The following HNRNPA1L2 variants were observed in gnomAD, a reference collection of about 807,000 sequenced individuals.
HNRNPA1L2 encodes heterogeneous nuclear ribonucleoprotein A1-like 2.
In HNRNPA1L2, 10 loss-of-function variants were observed where a neutral mutation model predicts 18.2. The ratio of observed to expected loss-of-function variants is 0.55; its 90% CI spans 0.34 to 0.93. HNRNPA1L2 has a LOEUF of 0.93. Ranked by LOEUF, HNRNPA1L2 falls within the 40% of genes least tolerant of loss-of-function variation. The pLI is 0.02. For synonymous variants in HNRNPA1L2, 124 were observed against 138.6 expected, an observed-to-expected ratio of 0.89 and a Z score of 0.74; for missense variants, 308 against 394.4, an observed-to-expected ratio of 0.78 and a Z score of 1.85.
At chr13:52,640,285 C>T (rs1053683403), upstream of HNRNPA1L2, among the ~76,000 whole-genome samples, 16 of 152,138 alleles carry the variant, frequency 1.1e-4, no homozygotes, top group Admixed American at 9.8e-4. Flanking sequence ...CACCCCATAC[C>T]TACTGAATTT....
chr13:52,624,955 C>T, the HNRNPA1L2 span, among the ~76,000 whole-genome samples: 3 of 151,714 alleles, frequency 2.0e-5, no homozygotes, highest in East Asian at 1.9e-4. Context: ...CCCTTGAACC[C>T]GGGAGGTGGA....
At position 52,642,939 on chromosome 13, in the gene HNRNPA1L2, C is replaced by T. The variant is rs1219016906; in HGVS notation, c.447C>T (p.Ala149=). The T allele has an allele frequency of 6.3e-7, 1 of 1,596,976 alleles. No homozygotes were observed. Among genetic ancestry groups the T allele is most frequent in the Non-Finnish European group, 8.5e-7 (1 of 1,179,810 alleles). ...DRGSGKKRGF[A]FVTFDDHDSV... ...GCAGTGGCAAGAAAAGGGGCTTTGC[C>T]TTTGTAACCTTTGACGACCATGACT... Residue 149 remains alanine (A), a synonymous_variant, in exon 1 of 1, where the codon GCC becomes GCT. Coordinates refer to ENST00000357495, the MANE Select transcript of HNRNPA1L2 (RefSeq NM_001389320.1).
At chr13:52,638,695 T>C (rs1961543204), upstream of HNRNPA1L2, among the ~76,000 whole-genome samples, 1 of 152,186 alleles carries the variant, frequency 6.6e-6, no homozygotes, top group African/African-American at 2.4e-5. Flanking sequence ...TTGGGAAGAT[T>C]TCATTCTAAG....
the HNRNPA1L2 span, among the ~76,000 whole-genome samples, chr13:52,624,116 T>C: frequency 3.3e-5 from 5 of 152,138 alleles, no homozygotes; most frequent in African/African-American, 4.8e-5. Context: ...TATTTTGTTT[T>C]GTTTTGTTTT....
the HNRNPA1L2 span, among the ~76,000 whole-genome samples, chr13:52,618,759 A>G: frequency 1.9e-3 from 284 of 152,334 alleles, 1 homozygote; most frequent in African/African-American, 6.6e-3. Context: ...GGGACGTCTT[A>G]AATGTCGTTT....
upstream of HNRNPA1L2, chr13:52,640,730 T>G (rs1961630847): frequency 6.6e-6 from 1 of 152,210 alleles, no homozygotes; most frequent in Non-Finnish European, 1.5e-5. Flanking sequence ...AGCCAGTGGC[T>G]CTCACCGTCC....
the HNRNPA1L2 span, chr13:52,622,028 C>T: frequency 0.047 from 7,354 of 157,298 alleles, 179 homozygotes; most frequent in South Asian, 0.085. Context: ...GCACTAACGG[C>T]GCTATCTGTA....
the HNRNPA1L2 span, among the ~76,000 whole-genome samples, chr13:52,625,893 C>G: frequency 2.0e-5 from 3 of 152,048 alleles, no homozygotes; most frequent in Non-Finnish European, 4.4e-5. Context: ...TCCTTCCACT[C>G]AACCTCTCAA....
At chr13:52,630,927 C>A in the HNRNPA1L2 span, among the ~76,000 whole-genome samples, 1 of 152,110 alleles carries the variant, frequency 6.6e-6, no homozygotes, top group Non-Finnish European at 1.5e-5. Context: ...TAATACTGTG[C>A]AGCTACATCG....
the HNRNPA1L2 span, among the ~76,000 whole-genome samples, chr13:52,623,853 C>T: frequency 3.3e-5 from 5 of 152,288 alleles, no homozygotes; most frequent in Admixed American, 2.0e-4. Flanking sequence ...TGGAACACAG[C>T]GGGGAAGGCC....
upstream of HNRNPA1L2, among the ~76,000 whole-genome samples, chr13:52,638,601 A>G (rs1473463501): frequency 6.6e-6 from 1 of 152,214 alleles, no homozygotes; most frequent in African/African-American, 2.4e-5. Context: ...TAAATTCTAT[A>G]AATACAGATA....
At chr13:52,634,278 G>A in the HNRNPA1L2 span, among the ~76,000 whole-genome samples, 1 of 152,310 alleles carries the variant, frequency 6.6e-6, no homozygotes, top group East Asian at 1.9e-4. Flanking sequence ...GGCAGCTGCT[G>A]TTGTCCAGCC....
At chr13:52,642,167 G>T, upstream of HNRNPA1L2, 1 of 352,576 alleles carries the variant, frequency 2.8e-6, no homozygotes, top group Non-Finnish European at 5.1e-6. Flanking sequence ...GGCCAACAAT[G>T]TGGGGTTGGT....
chr13:52,625,326 G>C, the HNRNPA1L2 span, among the ~76,000 whole-genome samples: 1 of 151,964 alleles, frequency 6.6e-6, no homozygotes. Flanking sequence ...TGTTGACCAG[G>C]CTGGCCTCGA....
At position 52,643,517 on chromosome 13, in the gene HNRNPA1L2, C is replaced by T; in HGVS notation, c.*62C>T. On this transcript the variant is annotated 3_prime_UTR_variant, in exon 1 of 1. Coordinates refer to ENST00000357495, the MANE Select transcript of HNRNPA1L2 (RefSeq NM_001389320.1). ...GAAGTGACAGGGAAGCTACAGGTTACAACAGATTTGTGAACTCAGCCAAGC... is the reference window on the plus strand; with the variant it reads ...GAAGTGACAGGGAAGCTACAGGTTATAACAGATTTGTGAACTCAGCCAAGC... 3 of 1,455,922 alleles carry T rather than the reference C, an allele frequency of 2.1e-6. No individual in the cohort carries two copies. The highest frequency in any genetic ancestry group is 2.8e-6 in the Non-Finnish European group (3 of 1,055,746). The allele number at this position is 1,455,922 out of a possible 1,614,324, so 90.2% of individuals were successfully genotyped here.
chr13:52,631,201 C>T, the HNRNPA1L2 span, among the ~76,000 whole-genome samples: 3 of 152,154 alleles, frequency 2.0e-5, no homozygotes, highest in Non-Finnish European at 4.4e-5. Flanking sequence ...TCACACTGGC[C>T]TTTCTCAGAA....
the HNRNPA1L2 span, among the ~76,000 whole-genome samples, chr13:52,619,524 G>T: frequency 1.3e-5 from 2 of 152,088 alleles, no homozygotes; most frequent in Non-Finnish European, 2.9e-5. Context: ...TGTTGGCCAG[G>T]CTGGTCTCGA....
chr13:52,631,827 T>C, the HNRNPA1L2 span, among the ~76,000 whole-genome samples: 1 of 152,226 alleles, frequency 6.6e-6, no homozygotes, highest in African/African-American at 2.4e-5. Flanking sequence ...ACCTGTTAAC[T>C]CTGATATTAA....
At position 52,642,448 on chromosome 13, in the gene HNRNPA1L2, C is replaced by T. The variant is rs766034084; in HGVS notation, c.-45C>T. 1.8e-5 allele frequency: 29 copies of T among 1,603,906 alleles called. No homozygotes were observed. Among genetic ancestry groups the T allele is most frequent in the South Asian group, 7.8e-5 (7 of 89,612 alleles). ...CTGGTGGACTTTTTCTGCCCGTGGA[C>T]GCCGCTGAAGAAGCATCGTTAAAGT... On this transcript the variant is annotated 5_prime_UTR_variant, in exon 1 of 1. In the 5' UTR this introduces an upstream ATG that the reference lacks. Coordinates refer to ENST00000357495, the MANE Select transcript of HNRNPA1L2 (RefSeq NM_001389320.1).
Sources: allele counts gnomAD v4.1 joint callset (sites outside exome capture counted in the v4.1 genomes callset), GRCh38; gene constraint gnomAD v4.1.1; transcripts MANE v1.5; gene names NCBI Gene and HGNC (gene_info 2026-07-23, HGNC 2026-07-21).